Variants in RTKN2 observed in about 807,000 individuals in gnomAD.
RTKN2 encodes the protein rhotekin-2.
RTKN2 carries 69 observed loss-of-function variants against 71.5 expected under a neutral mutation model. The ratio of observed to expected loss-of-function variants is 0.96; its 90% CI spans 0.79 to 1.18. The LOEUF is 1.18. RTKN2 is among the 50% of genes most tolerant of loss of function. The pLI is 0.00. For synonymous variants in RTKN2, 236 were observed against 236.5 expected (o/e 1.00, Z 0.02); for missense variants, 724 against 719.7 (o/e 1.01, Z -0.07).
At chr10:62,203,255 A>G (rs1473787785) in intron 10 of RTKN2, among the ~76,000 whole-genome samples, 1 of 152,240 alleles carries the variant, frequency 6.6e-6, no homozygotes, top group Non-Finnish European at 1.5e-5. Flanking sequence ...AAGACAGAAC[A>G]TTTAGTAAAA....
At chr10:62,254,247 C>T (rs564869202) in intron 2 of RTKN2, among the ~76,000 whole-genome samples, 26 of 152,228 alleles carry the variant, frequency 1.7e-4, no homozygotes, top group African/African-American at 5.8e-4. Flanking sequence ...GGGCGGATTT[C>T]CCCCTTGCTA....
At chr10:62,219,019 T>C (rs1288042487) in intron 7 of RTKN2, among the ~76,000 whole-genome samples, 1 of 56,156 alleles carries the variant, frequency 1.8e-5, no homozygotes, top group East Asian at 9.3e-4. Flanking sequence ...AAAAACATTA[T>C]TTCAGAGAAC....
At position 62,197,632 on chromosome 10, in the gene RTKN2, T is replaced by C; in HGVS notation, c.*276A>G. The C allele has an allele frequency of 8.2e-7, 1 of 1,219,028 alleles. No homozygotes were observed. Among genetic ancestry groups the C allele is most frequent in the Non-Finnish European group, 1.0e-6 (1 of 976,166 alleles). 75.5% of individuals were successfully genotyped at this position (1,219,028 alleles called of 1,614,324 possible). ...TGCCTAGGGCTTATTCACTGCCTGG[T>C]ACTAATTCAGGAATAAATTAACCCT... On this transcript the variant is annotated 3_prime_UTR_variant, in exon 12 of 12. Transcript: ENST00000373789.
intron 7 of RTKN2, among the ~76,000 whole-genome samples, chr10:62,220,070 G>A (rs181951907): frequency 3.1e-4 from 47 of 152,218 alleles, no homozygotes; most frequent in Admixed American, 1.9e-3. Context: ...GCTACTGGCC[G>A]TAACTATTAT....
chr10:62,238,213 C>G (rs1361431757), intron 5 of RTKN2: 1 of 151,854 alleles, frequency 6.6e-6, no homozygotes, highest in Non-Finnish European at 1.5e-5. Context: ...CTGGTAATGA[C>G]TAACAAATGT....
intron 6 of RTKN2, among the ~76,000 whole-genome samples, chr10:62,229,730 G>A (rs1431187532): frequency 6.6e-6 from 1 of 152,172 alleles, no homozygotes; most frequent in East Asian, 1.9e-4. Flanking sequence ...AATTTGTGTG[G>A]CAGAATTGAC....
chr10:62,258,175 T>C (rs770499765), intron 2 of RTKN2, among the ~76,000 whole-genome samples: 4 of 152,222 alleles, frequency 2.6e-5, no homozygotes, highest in Non-Finnish European at 2.9e-5. Flanking sequence ...TAACCATTGA[T>C]TGAATTCTTC....
At chr10:62,186,684 TCTG>T (rs1841141587) in intron 8 of RTKN2, among the ~76,000 whole-genome samples, 1 of 152,206 alleles carries the variant, frequency 6.6e-6, no homozygotes, top group South Asian at 2.1e-4. Flanking sequence ...GAAATACAAT[TCTG>T]CTGCTAAAAG....
At chr10:62,256,801 T>C (rs139947940) in intron 2 of RTKN2, among the ~76,000 whole-genome samples, 3 of 152,090 alleles carry the variant, frequency 2.0e-5, no homozygotes, top group Non-Finnish European at 2.9e-5. Flanking sequence ...ATGATGTTGA[T>C]TGTACTATTC....
intron 6 of RTKN2, among the ~76,000 whole-genome samples, chr10:62,229,898 T>A (rs751995313): frequency 7.9e-5 from 12 of 152,200 alleles, no homozygotes. Flanking sequence ...AAAAAATTAT[T>A]GATAGCCTCC....
At chr10:62,223,913 C>T (rs557276878) in intron 6 of RTKN2, among the ~76,000 whole-genome samples, 3 of 152,114 alleles carry the variant, frequency 2.0e-5, no homozygotes, top group African/African-American at 7.2e-5. Context: ...AGAAGAAACC[C>T]AAGTGTCTAT....
intron 1 of RTKN2, among the ~76,000 whole-genome samples, chr10:62,263,031 G>A (rs973577582): frequency 2.0e-5 from 3 of 152,052 alleles, no homozygotes; most frequent in South Asian, 2.1e-4. Flanking sequence ...CTAAAGAAAC[G>A]GAATAAACGA....
chr10:62,238,249 T>G (rs1842298554), intron 5 of RTKN2: 1 of 151,994 alleles, frequency 6.6e-6, no homozygotes, highest in African/African-American at 2.4e-5. Context: ...AACCAGAGAT[T>G]CATAAATATT....
chr10:62,226,175 C>T (rs934939767), intron 6 of RTKN2, among the ~76,000 whole-genome samples: 4 of 151,754 alleles, frequency 2.6e-5, no homozygotes, highest in East Asian at 3.9e-4. Flanking sequence ...AAAACATCAA[C>T]GAGTATATTA....
At chr10:62,213,432 C>A (rs989449937) in intron 9 of RTKN2, among the ~76,000 whole-genome samples, 2 of 152,116 alleles carry the variant, frequency 1.3e-5, no homozygotes, top group African/African-American at 4.8e-5. Context: ...AGCCTCTAGA[C>A]CTCATTTACA....
At chr10:62,225,118 ATTG>A (rs1370127022) in intron 6 of RTKN2, among the ~76,000 whole-genome samples, 1 of 152,208 alleles carries the variant, frequency 6.6e-6, no homozygotes, top group Non-Finnish European at 1.5e-5. Flanking sequence ...AAACACTAGC[ATTG>A]TTTCTAGCAG....
chr10:62,261,915 T>C (rs1842781481), intron 2 of RTKN2, among the ~76,000 whole-genome samples: 1 of 152,222 alleles, frequency 6.6e-6, no homozygotes, highest in Admixed American at 6.5e-5. Flanking sequence ...ACTGTTTTTA[T>C]TTAAAATACA....
intron 3 of RTKN2, among the ~76,000 whole-genome samples, chr10:62,245,056 A>G (rs372240243): frequency 8.5e-4 from 130 of 152,258 alleles, no homozygotes; most frequent in African/African-American, 2.6e-3. Flanking sequence ...AAATGTACTG[A>G]TAAGAAAATA....
intron 9 of RTKN2, 71 bp from the exon 10 acceptor site, chr10:62,205,093 G>T: frequency 8.5e-7 from 1 of 1,171,538 alleles, no homozygotes; most frequent in Non-Finnish European, 1.2e-6. Flanking sequence ...ATGTTTTATT[G>T]CTTAGCTACC....
Sources: gnomAD v4.1 joint callset for allele counts (sites outside exome capture counted in the v4.1 genomes callset) on GRCh38, gnomAD v4.1.1 for gene constraint, MANE v1.5 for transcripts, NCBI Gene and HGNC (gene_info 2026-07-23, HGNC 2026-07-21) for gene names.